The following POM121C variants were observed in gnomAD, a reference collection of about 807,000 sequenced individuals.
The protein encoded by POM121C is nuclear envelope pore membrane protein POM 121C.
POM121C carries 20 observed loss-of-function variants against 66.4 expected under a neutral mutation model. That is an observed-to-expected ratio of 0.30 (90% CI 0.21 to 0.44). The LOEUF (loss-of-function observed/expected upper bound fraction) is 0.44, where lower values mean the gene tolerates loss of function less well. Ranked by LOEUF, POM121C falls within the 20% of genes least tolerant of loss-of-function variation. The pLI, the probability that POM121C is intolerant of heterozygous loss-of-function variation, is 1.00. For synonymous variants in POM121C, 286 were observed against 528.0 expected (o/e 0.54, Z 6.28); for missense variants, 580 against 1,225.7 (o/e 0.47, Z 7.87).
chr7:75,454,636 C>T (rs1218931271), intron 3 of POM121C, among the ~76,000 whole-genome samples: 12 of 152,312 alleles, frequency 7.9e-5, no homozygotes, highest in African/African-American at 2.9e-4. Context: ...CACTCTGCTC[C>T]CTGGCCCCAG....
chr7:75,473,604 GTTT>G (rs1425524851), intron 3 of POM121C, among the ~76,000 whole-genome samples: 1 of 152,152 alleles, frequency 6.6e-6, no homozygotes, highest in African/African-American at 2.4e-5. Flanking sequence ...GGAGGACGAG[GTTT>G]TGGTATCTGA....
intron 7 of POM121C, among the ~76,000 whole-genome samples, chr7:75,434,424 G>C (rs78299880): frequency 2.6e-5 from 4 of 151,342 alleles, no homozygotes; most frequent in African/African-American, 7.3e-5. Flanking sequence ...ATAGGCACAC[G>C]CCACCACACC....
In POM121C at chr7:75,417,113, G is replaced by GGCTT. The variant is rs1414675176; in HGVS notation, c.*1679_*1682dup. ...ACCCTCCAATCCTAACAGGTATTTAGGCTTGAGGTTCACTCCCTCCTCAGC... is the reference window on the plus strand; with the variant it reads ...ACCCTCCAATCCTAACAGGTATTTAGGCTTGCTTGAGGTTCACTCCCTCCTCAGC... On this transcript the variant is annotated 3_prime_UTR_variant, in exon 15 of 15. Coordinates refer to ENST00000615331, the MANE Select transcript of POM121C (RefSeq NM_001099415.3). The GGCTT allele has an allele frequency of 1.3e-5, 13 of 1,022,426 alleles. No homozygotes were observed. Among genetic ancestry groups the GGCTT allele is most frequent in the Admixed American group, 5.0e-5 (1 of 20,016 alleles). The allele number at this position is 1,022,426 out of a possible 1,614,324, so 63.3% of individuals were successfully genotyped here. A position where few individuals can be genotyped will look rare whatever the true frequency, so the allele number is the denominator to read the frequency against.
chr7:75,474,944 A>C, intron 2 of POM121C, 62 bp from the exon 3 acceptor site: 1 of 1,183,966 alleles, frequency 8.4e-7, no homozygotes, highest in East Asian at 2.3e-5. Flanking sequence ...AATGAAGAAT[A>C]ATATAAACAC....
chr7:75,424,731 G>C, intron 10 of POM121C, 103 bp from the exon 11 acceptor site: 3 of 1,482,182 alleles, frequency 2.0e-6, no homozygotes, highest in Non-Finnish European at 2.8e-6. Flanking sequence ...GGCCAAGCCA[G>C]CTGGATCACT....
chr7:75,461,278 C>T (rs1479634900), intron 3 of POM121C, among the ~76,000 whole-genome samples: 1 of 152,062 alleles, frequency 6.6e-6, no homozygotes. Context: ...CAAAGAAAAT[C>T]AGCAAACAAT....
chr7:75,450,785 G>T (rs2599321), intron 3 of POM121C, among the ~76,000 whole-genome samples: 27 of 152,306 alleles, frequency 1.8e-4, no homozygotes, highest in East Asian at 9.6e-4. Flanking sequence ...CAAATAAAAT[G>T]AGAAGAATCA....
intron 1 of POM121C, among the ~76,000 whole-genome samples, chr7:75,481,030 A>AATATATATAT (rs201637708): frequency 3.6e-5 from 5 of 137,026 alleles, no homozygotes; most frequent in South Asian, 2.3e-4. Context: ...TAGTTCAAAA[A>AATATATATAT]ATATATATAT....
In POM121C at chr7:75,417,633, C is replaced by G. The variant is rs1554469988; in HGVS notation, c.*1163G>C. 1.0e-6 allele frequency: 1 copy of G among 985,070 alleles called. No homozygotes were observed. Among genetic ancestry groups the G allele is most frequent in the South Asian group, 4.7e-5 (1 of 21,266 alleles). 61.0% of individuals were successfully genotyped at this position (985,070 alleles called of 1,614,324 possible). On this transcript the variant is annotated 3_prime_UTR_variant, in exon 15 of 15. Coordinates refer to ENST00000615331, the MANE Select transcript of POM121C (RefSeq NM_001099415.3). Reference sequence around the variant, plus strand: ...AATATGGTTCATTAATTTAGGTTTTCTAACATCTACTTTGGGTGACGTAGC... The same window carrying G: ...AATATGGTTCATTAATTTAGGTTTTGTAACATCTACTTTGGGTGACGTAGC...
chr7:75,418,999 C>T (rs1789582313), intron 14 of POM121C, 106 bp from the exon 15 acceptor site: 2 of 1,462,816 alleles, frequency 1.4e-6, no homozygotes, highest in African/African-American at 1.4e-5. Context: ...CACAGGGTGC[C>T]TCAATAGGGC....
At chr7:75,421,127 C>T (rs782516035) in intron 13 of POM121C, 30 of 347,738 alleles carry the variant, frequency 8.6e-5, no homozygotes, top group Middle Eastern at 1.0e-3. Flanking sequence ...GTGGGTACCA[C>T]CATGCCCGGC....
At chr7:75,434,248 A>G (rs1258385429) in intron 7 of POM121C, among the ~76,000 whole-genome samples, 2 of 152,148 alleles carry the variant, frequency 1.3e-5, no homozygotes, top group Non-Finnish European at 2.9e-5. Context: ...CAGATGATCA[A>G]ACTACTCATA....
rs782233410 is a variant in POM121C at position 75,437,665 on chromosome 7, G to T, written c.330C>A (p.Gly110=). 4 of 1,611,686 alleles carry T rather than the reference G, an allele frequency of 2.5e-6. No homozygotes were observed. The highest frequency in any genetic ancestry group is 2.2e-5 in the South Asian group (2 of 90,984). Residue 110 remains glycine (G), a synonymous_variant, in exon 7 of 15, where the codon GGC becomes GGA. Transcript: ENST00000615331. The stretch of plus-strand genomic sequence containing the variant: ...GGTCATCTGAGCTCTGAGAATTGAG[G>T]CCTCTCTTCAGAGACCCAGGCCTAA... ...FVPKPGSLKR[G]LNSQSSDDHL...
intron 1 of POM121C, among the ~76,000 whole-genome samples, chr7:75,476,131 T>G (rs1408667750): frequency 6.6e-6 from 1 of 152,130 alleles, no homozygotes. Flanking sequence ...AAATAAAATT[T>G]TTTTAAAAAA....
chr7:75,442,321 C>A, intron 3 of POM121C: 4 of 1,415,268 alleles, frequency 2.8e-6, no homozygotes, highest in Non-Finnish European at 3.6e-6. Context: ...CGGGCTGCGG[C>A]GGCCCGGGCT....
chr7:75,424,821 G>A (rs1309459361), intron 10 of POM121C, 193 bp from the exon 11 acceptor site: 52 of 1,186,708 alleles, frequency 4.4e-5, no homozygotes, highest in Middle Eastern at 2.9e-4. Flanking sequence ...TTAGTCAGGC[G>A]TGGTAGCAAG....
At chr7:75,456,486 C>T (rs1409799464) in intron 3 of POM121C, among the ~76,000 whole-genome samples, 4 of 152,208 alleles carry the variant, frequency 2.6e-5, no homozygotes, top group South Asian at 2.1e-4. Flanking sequence ...AAGGCTGAGG[C>T]GAGTCACAGG....
chr7:75,476,809 C>T (rs1792097668), intron 1 of POM121C, among the ~76,000 whole-genome samples: 1 of 151,958 alleles, frequency 6.6e-6, no homozygotes, highest in African/African-American at 2.4e-5. Flanking sequence ...ATACAACAGA[C>T]AAATAGGACT....
chr7:75,434,044 G>T (rs1158068719), intron 7 of POM121C, among the ~76,000 whole-genome samples: 2 of 152,196 alleles, frequency 1.3e-5, no homozygotes, highest in Non-Finnish European at 2.9e-5. Context: ...CTAGCAACGT[G>T]TGAGGAGACT....
Sources: allele counts gnomAD v4.1 joint callset (sites outside exome capture counted in the v4.1 genomes callset), GRCh38; gene constraint gnomAD v4.1.1; transcripts MANE v1.5; gene names NCBI Gene and HGNC (gene_info 2026-07-23, HGNC 2026-07-21).